The following ELFN1 variants were observed in gnomAD, a reference collection of about 807,000 sequenced individuals.
ELFN1 encodes the protein extracellular leucine rich repeat and fibronectin type III domain containing 1.
In ELFN1, 6 loss-of-function variants were observed where a neutral mutation model predicts 7.6. The observed-to-expected ratio is 0.79, with a 90% confidence interval of 0.43 to 1.56. ELFN1 has a LOEUF of 1.56. Ranked by LOEUF, ELFN1 falls within the 40% of genes most tolerant of loss-of-function variation. The pLI, the probability that ELFN1 is intolerant of heterozygous loss-of-function variation, is 0.01. For synonymous variants in ELFN1, 657 were observed against 588.1 expected, an observed-to-expected ratio of 1.12 and a Z score of -1.70; for missense variants, 1,169 against 1,232.2, an observed-to-expected ratio of 0.95 and a Z score of 0.77.
At chr7:1,686,740 C>T (rs1779068241) in intron 1 of ELFN1, among the ~76,000 whole-genome samples, 1 of 152,148 alleles carries the variant, frequency 6.6e-6, no homozygotes, top group Non-Finnish European at 1.5e-5. Flanking sequence ...TACAGGCTTT[C>T]AGCAGGCCAG....
Position 1,745,100 on chromosome 7 carries a change from C to T in ELFN1, c.504C>T (p.Ile168=). ...IVNIDLSMNR[I]QQLNSGTFAG... ...ACATCGACCTGTCCATGAACCGCAT[C>T]CAGCAGCTCAACAGCGGCACCTTCG... Residue 168 remains isoleucine, a synonymous_variant, in exon 4 of 4, where the codon ATC becomes ATT. Coordinates refer to ENST00000424383, the MANE Select transcript of ELFN1 (RefSeq NM_001128636.4). 1 of 1,551,080 alleles carries T rather than the reference C, an allele frequency of 6.4e-7. No individual in the cohort carries two copies. Among genetic ancestry groups the T allele is most frequent in the Non-Finnish European group, 8.7e-7 (1 of 1,147,000 alleles).
At chr7:1,728,701 T>C (rs1780259411) in intron 3 of ELFN1, among the ~76,000 whole-genome samples, 2 of 152,010 alleles carry the variant, frequency 1.3e-5, no homozygotes, top group South Asian at 4.2e-4. Flanking sequence ...CCCAGGGTGA[T>C]GTTAGTATTT....
chr7:1,689,190 T>C (rs1361734403), intron 2 of ELFN1, among the ~76,000 whole-genome samples: 2 of 152,244 alleles, frequency 1.3e-5, no homozygotes, highest in Non-Finnish European at 2.9e-5. Flanking sequence ...TTTTCTGTAA[T>C]TGAGTAGTGA....
chr7:1,676,209 C>T (rs1219794860), intron 1 of ELFN1, among the ~76,000 whole-genome samples: 1 of 152,232 alleles, frequency 6.6e-6, no homozygotes, highest in African/African-American at 2.4e-5. Flanking sequence ...TGTTGTCTCC[C>T]TGCCTGAGGG....
At chr7:1,694,865 G>T (rs1217803676) in intron 2 of ELFN1, among the ~76,000 whole-genome samples, 1 of 152,200 alleles carries the variant, frequency 6.6e-6, no homozygotes, top group Non-Finnish European at 1.5e-5. Context: ...GATCTCCACT[G>T]CTATTAATAG....
chr7:1,705,714 G>T lies in ELFN1; in HGVS notation c.-455-3377G>T, dbSNP rs374787476. Among the ~76,000 whole-genome samples the T allele has an allele frequency of 2.6e-5, 4 of 152,338 alleles. No homozygotes were observed. Among genetic ancestry groups the T allele is most frequent in the African/African-American group, 9.6e-5 (4 of 41,586 alleles). On this transcript the variant is annotated intron_variant, in intron 2 of 3. Transcript: ENST00000424383. This position sits in a 1 kb window ranked among gnomAD's most constrained non-coding sequence, Gnocchi z 4.3. ...ATGGCAATTCAGTGGATGGCTTTGGGCCTCGGTTTCCTGTCCACAACATCC... is the reference window on the plus strand; with the variant it reads ...ATGGCAATTCAGTGGATGGCTTTGGTCCTCGGTTTCCTGTCCACAACATCC...
intron 3 of ELFN1, among the ~76,000 whole-genome samples, chr7:1,728,659 A>G (rs956579787): frequency 6.6e-6 from 1 of 152,198 alleles, no homozygotes; most frequent in Non-Finnish European, 1.5e-5. Flanking sequence ...CACACAGCAC[A>G]TGCGTTTTCT....
In ELFN1 at chr7:1,740,920, A is replaced by C. The variant is rs1380713292; in HGVS notation, c.-293-3384A>C. Among the ~76,000 whole-genome samples the C allele has an allele frequency of 6.6e-6, 1 of 152,190 alleles. No individual in the cohort carries two copies. On this transcript the variant is annotated intron_variant, in intron 3 of 3. Coordinates refer to ENST00000424383, the MANE Select transcript of ELFN1 (RefSeq NM_001128636.4). This position sits in a 1 kb window ranked among gnomAD's most constrained non-coding sequence, Gnocchi z 5.0. ...CAAGGCAGGTGGATCACCTGAGGTC[A>C]GGAGTTCGAAACCAGCCTGACCAAT...
chr7:1,730,023 C>T (rs955033080), intron 3 of ELFN1, among the ~76,000 whole-genome samples: 11 of 152,214 alleles, frequency 7.2e-5, no homozygotes, highest in Non-Finnish European at 1.0e-4. Context: ...CAGCCCCACC[C>T]GGGGACCAGC....
At chr7:1,742,857 A>G (rs1780665664) in intron 3 of ELFN1, among the ~76,000 whole-genome samples, 3 of 152,200 alleles carry the variant, frequency 2.0e-5, no homozygotes, top group Non-Finnish European at 2.9e-5. Flanking sequence ...TTACATCATT[A>G]TATTTTTTTT....
chr7:1,692,392 T>G (rs924998509), intron 2 of ELFN1: 3 of 152,342 alleles, frequency 2.0e-5, no homozygotes, highest in African/African-American at 7.2e-5. Context: ...CTCACGGCAG[T>G]GTAGGGCACA....
rs978744857 is a variant in ELFN1, at chr7:1,695,583, TA to T, written c.-456+7439del. 1.3e-5 allele frequency among the ~76,000 whole-genome samples: 2 copies of T among 151,728 alleles called. No individual in the cohort carries two copies. The highest frequency in any genetic ancestry group is 2.4e-5 in the African/African-American group (1 of 41,344). On this transcript the variant is annotated intron_variant, in intron 2 of 3. Coordinates refer to ENST00000424383, the MANE Select transcript of ELFN1 (RefSeq NM_001128636.4). The surrounding 1 kb of genome is among the most constrained non-coding windows in gnomAD (Gnocchi z 5.1). ...CAACATGGAGAAACCCCGTCTCTACTAAAAAATACAAAAATTAGCCGGGCGT... is the reference window on the plus strand; with the variant it reads ...CAACATGGAGAAACCCCGTCTCTACTAAAAATACAAAAATTAGCCGGGCGT...
intron 3 of ELFN1, among the ~76,000 whole-genome samples, chr7:1,734,045 C>T (rs1053861006): frequency 1.3e-5 from 2 of 152,194 alleles, no homozygotes; most frequent in African/African-American, 4.8e-5. Context: ...AGAGAAGAAC[C>T]AGCACCTGTC....
intron 3 of ELFN1, chr7:1,738,530 G>A (rs545510728): frequency 2.0e-5 from 3 of 152,472 alleles, no homozygotes; most frequent in African/African-American, 7.2e-5. Flanking sequence ...TTGAGCCCAG[G>A]AGGCCAAGGC....
chr7:1,746,192 C>T lies in ELFN1; in HGVS notation c.1596C>T (p.Asp532=), dbSNP rs1481083264. 1 of 1,551,216 alleles carries T rather than the reference C, an allele frequency of 6.4e-7. No homozygotes were observed. Among genetic ancestry groups the T allele is most frequent in the Non-Finnish European group, 8.7e-7 (1 of 1,148,054 alleles). Residue 532 remains aspartate (D), a synonymous_variant, in exon 4 of 4, where the codon GAC becomes GAT. Transcript: ENST00000424383. ...KGSYMEVRTG[D]PPERRDCELG... Reference sequence around the variant, plus strand: ...GCTACATGGAGGTTCGAACCGGGGACCCTCCGGAACGCAGGGACTGTGAGC... The same window carrying T: ...GCTACATGGAGGTTCGAACCGGGGATCCTCCGGAACGCAGGGACTGTGAGC...
chr7:1,670,267 G>T (rs933476280), upstream of ELFN1, among the ~76,000 whole-genome samples: 2 of 151,900 alleles, frequency 1.3e-5, no homozygotes, highest in African/African-American at 4.8e-5. The surrounding 1 kb of genome is among the most constrained non-coding windows in gnomAD (Gnocchi z 6.4). Context: ...CGAAGCTGGG[G>T]AGGAATTTCA....
chr7:1,705,775 T>G lies in ELFN1; in HGVS notation c.-455-3316T>G, dbSNP rs117609870. On this transcript the variant is annotated intron_variant, in intron 2 of 3. Transcript: ENST00000424383. The surrounding 1 kb of genome is among the most constrained non-coding windows in gnomAD (Gnocchi z 4.3). Reference sequence around the variant, plus strand: ...TGTTGCCCTTCTGTAAAGTAGAGTCTTAGTGTCCCGGGATGGTCCTCGGGG... The same window carrying G: ...TGTTGCCCTTCTGTAAAGTAGAGTCGTAGTGTCCCGGGATGGTCCTCGGGG... 4.1e-3 allele frequency among the ~76,000 whole-genome samples: 631 copies of G among 152,298 alleles called. 4 individuals are homozygous for G. The highest frequency in any genetic ancestry group is 0.014 in the Middle Eastern group (4 of 294).
intron 3 of ELFN1, among the ~76,000 whole-genome samples, chr7:1,734,186 G>C (rs533719809): frequency 6.6e-6 from 1 of 152,276 alleles, no homozygotes; most frequent in African/African-American, 2.4e-5. Context: ...TGGACACCTA[G>C]ACCCTTGCCT....
chr7:1,702,401 C>T lies in ELFN1; in HGVS notation c.-455-6690C>T, dbSNP rs142940120. 4.3e-3 allele frequency among the ~76,000 whole-genome samples: 655 copies of T among 150,650 alleles called. 16 individuals carry two copies. Among genetic ancestry groups the T allele is most frequent in the African/African-American group, 0.015 (599 of 40,488 alleles). ...TTACACCACTGCACTCCATCCTGGG[C>T]GACAGAACGAGACTCCGTCGGGGGG... On this transcript the variant is annotated intron_variant, in intron 2 of 3. Coordinates refer to ENST00000424383, the MANE Select transcript of ELFN1 (RefSeq NM_001128636.4).
Sources: gnomAD v4.1 joint callset for allele counts (sites outside exome capture counted in the v4.1 genomes callset) on GRCh38, gnomAD v4.1.1 for gene constraint, Gnocchi (gnomAD v3.1) non-coding constraint, MANE v1.5 for transcripts, NCBI Gene and HGNC (gene_info 2026-07-23, HGNC 2026-07-21) for gene names.